CTNNA1: variants seen among roughly 807,000 people sequenced by gnomAD.
The protein encoded by CTNNA1 is catenin alpha 1, also known as catenin alpha-1.
In CTNNA1, 37 loss-of-function variants were observed where a neutral mutation model predicts 98.4. The ratio of observed to expected loss-of-function variants is 0.38; its 90% CI spans 0.29 to 0.49. The LOEUF is 0.49. Among genes scored for constraint, CTNNA1 ranks in the 20% least tolerant of loss-of-function variants. CTNNA1 has a pLI of 0.95. For missense variants in CTNNA1, 761 were observed against 1,147.2 expected (o/e 0.66, Z 4.86); for synonymous variants, 404 against 413.2 (o/e 0.98, Z 0.27).
chr5:138,773,152 G>GGC (rs1159411769), intron 1 of CTNNA1, among the ~76,000 whole-genome samples: 5 of 152,166 alleles, frequency 3.3e-5, no homozygotes, highest in Admixed American at 1.3e-4. Context: ...AACATGCCTT[G>GGC]GCTCTGTAGC....
At position 138,874,972 on chromosome 5, in the gene CTNNA1, T is replaced by C; in HGVS notation, c.1063-11240T>C. 6.3e-7 allele frequency: 1 copy of C among 1,590,636 alleles called. No individual in the cohort carries two copies. The highest frequency in any genetic ancestry group is 1.1e-5 in the South Asian group (1 of 90,262). On this transcript the variant is annotated intron_variant, in intron 7 of 17. Transcript: ENST00000302763. The surrounding 1 kb of genome is among the most constrained non-coding windows in gnomAD (Gnocchi z 4.1). ...GTTGTTAGACTCAACGCAGTGAGTC[T>C]GTAAAAGGCTCTAACATGTAGGAGC...
intron 1 of CTNNA1, among the ~76,000 whole-genome samples, chr5:138,756,545 A>C (rs1751670919): frequency 6.6e-6 from 1 of 152,128 alleles, no homozygotes. Flanking sequence ...TGCTGGTGAG[A>C]ATATGGAGAG....
At chr5:138,844,455 AG>A (rs1762533834) in intron 7 of CTNNA1, among the ~76,000 whole-genome samples, 1 of 152,168 alleles carries the variant, frequency 6.6e-6, no homozygotes, top group East Asian at 1.9e-4. Context: ...TTTTTGGTGG[AG>A]GGGTTAGCTT....
chr5:138,773,733 CAG>C (rs1013090577), intron 1 of CTNNA1, among the ~76,000 whole-genome samples: 5 of 149,084 alleles, frequency 3.4e-5, no homozygotes, highest in African/African-American at 1.2e-4. Context: ...TTTTTTTAGA[CAG>C]AGTCTCACTC....
intron 1 of CTNNA1, among the ~76,000 whole-genome samples, chr5:138,760,422 G>A (rs1425725662): frequency 6.8e-6 from 1 of 147,978 alleles, no homozygotes; most frequent in Non-Finnish European, 1.5e-5. Context: ...GGAGTGCAGT[G>A]GTGCGATCTT....
Position 138,824,834 on chromosome 5 carries a change from G to T in CTNNA1, c.858+35G>T. 1.9e-6 allele frequency: 3 copies of T among 1,596,550 alleles called. No homozygotes were observed. In the South Asian group the frequency reaches 3.3e-5, roughly 18 times the overall value. ...GCTTGGGTGGAAATTTCCAGCTCTT[G>T]ACCATCCCCCAAAAGATAACAGATT... On this transcript the variant is annotated intron_variant, in intron 6 of 17. Coordinates refer to ENST00000302763, the MANE Select transcript of CTNNA1 (RefSeq NM_001903.5).
At chr5:138,851,066 G>A (rs1157075708) in intron 7 of CTNNA1, among the ~76,000 whole-genome samples, 1 of 152,158 alleles carries the variant, frequency 6.6e-6, no homozygotes, top group African/African-American at 2.4e-5. Context: ...GTGCCAGCTG[G>A]CATCAGTATA....
At chr5:138,785,283 G>A (rs1002462231) in intron 3 of CTNNA1, among the ~76,000 whole-genome samples, 1 of 151,538 alleles carries the variant, frequency 6.6e-6, no homozygotes, top group Non-Finnish European at 1.5e-5. Context: ...GGATGGTCTC[G>A]ATCTCCTGAC....
intron 9 of CTNNA1, among the ~76,000 whole-genome samples, chr5:138,894,007 T>A (rs1436934330): frequency 6.6e-6 from 1 of 152,142 alleles, no homozygotes; most frequent in Admixed American, 6.5e-5. Flanking sequence ...AGGCTTCGCC[T>A]CCCGGTTCAA....
chr5:138,776,770 T>TC (rs1334353818), intron 1 of CTNNA1, among the ~76,000 whole-genome samples: 2 of 143,966 alleles, frequency 1.4e-5, no homozygotes, highest in African/African-American at 5.2e-5. Flanking sequence ...GCCCCTCACC[T>TC]CCCGGACGGG....
At chr5:138,888,438 A>G (rs1394048674) in intron 9 of CTNNA1, among the ~76,000 whole-genome samples, 2 of 152,256 alleles carry the variant, frequency 1.3e-5, no homozygotes, top group Non-Finnish European at 2.9e-5. Context: ...GATATTCCAT[A>G]TACCATATGG....
At chr5:138,861,071 G>A (rs572364247) in intron 7 of CTNNA1, among the ~76,000 whole-genome samples, 2 of 152,164 alleles carry the variant, frequency 1.3e-5, no homozygotes, top group African/African-American at 4.8e-5. Context: ...CCAGGCTGAA[G>A]TGCAGTGGCA....
chr5:138,846,597 A>T (rs1244866108), intron 7 of CTNNA1, among the ~76,000 whole-genome samples: 1 of 152,192 alleles, frequency 6.6e-6, no homozygotes, highest in Non-Finnish European at 1.5e-5. Flanking sequence ...TGTTATTGCC[A>T]CCAGAATTAC....
intron 1 of CTNNA1, among the ~76,000 whole-genome samples, chr5:138,769,762 A>G (rs1753329787): frequency 6.6e-6 from 1 of 151,542 alleles, no homozygotes; most frequent in African/African-American, 2.4e-5. Context: ...CGAACTCCCG[A>G]CCTCAGGTGA....
chr5:138,842,593 G>A (rs962527590), intron 7 of CTNNA1, among the ~76,000 whole-genome samples: 1 of 152,096 alleles, frequency 6.6e-6, no homozygotes, highest in Non-Finnish European at 1.5e-5. Flanking sequence ...CAGACTCAAG[G>A]CTCTAACCCA....
At chr5:138,844,718 A>T (rs936707635) in intron 7 of CTNNA1, among the ~76,000 whole-genome samples, 42 of 152,210 alleles carry the variant, frequency 2.8e-4, no homozygotes, top group South Asian at 1.7e-3. Flanking sequence ...TGGAGATTTT[A>T]AAAAATTACC....
In CTNNA1 at chr5:138,843,322, A is replaced by AT. The variant is rs576104748; in HGVS notation, c.1062+15615dup. ...GTTATGTTAGAAAAAACTCATAATA[A>AT]TTTTTTTTTTTAAAGGACATGTCAT... On this transcript the variant is annotated intron_variant, in intron 7 of 17. Coordinates refer to ENST00000302763, the MANE Select transcript of CTNNA1 (RefSeq NM_001903.5). Among the ~76,000 whole-genome samples the AT allele has an allele frequency of 7.6e-3, 1,131 of 149,410 alleles. 9 individuals carry two copies. The highest frequency in any genetic ancestry group is 0.025 in the African/African-American group (1,037 of 40,748).
At chr5:138,926,514 G>A (rs748732602) in intron 13 of CTNNA1, among the ~76,000 whole-genome samples, 10 of 149,778 alleles carry the variant, frequency 6.7e-5, no homozygotes, top group Non-Finnish European at 1.2e-4. Context: ...CCCACTTGCC[G>A]ATTTCGTTGA....
At chr5:138,797,401 A>G (rs1330368512) in intron 3 of CTNNA1, among the ~76,000 whole-genome samples, 1 of 152,160 alleles carries the variant, frequency 6.6e-6, no homozygotes, top group Non-Finnish European at 1.5e-5. Context: ...TGTGATCTCC[A>G]TTCTCACTGT....
Sources: allele counts gnomAD v4.1 joint callset (sites outside exome capture counted in the v4.1 genomes callset), GRCh38; gene constraint gnomAD v4.1.1; non-coding constraint Gnocchi (gnomAD v3.1); transcripts MANE v1.5; gene names NCBI Gene and HGNC (gene_info 2026-07-23, HGNC 2026-07-21).